The following FAT3 variants were observed in gnomAD, a reference collection of about 807,000 sequenced individuals.
The protein encoded by FAT3 is FAT atypical cadherin 3.
Under a neutral mutation model 310.2 loss-of-function variants are expected in FAT3, and 95 were observed. That is an observed-to-expected ratio of 0.31 (90% CI 0.26 to 0.36). The LOEUF is 0.36. FAT3 is among the 10% of genes least tolerant of loss of function. The pLI, the probability that FAT3 is intolerant of heterozygous loss-of-function variation, is 1.00. For synonymous variants in FAT3, 2,314 were observed against 2,192.9 expected, an observed-to-expected ratio of 1.06 and a Z score of -1.54; for missense variants, 5,408 against 5,715.6, an observed-to-expected ratio of 0.95 and a Z score of 1.74.
At chr11:92,695,134 A>G (rs1252219402) in intron 3 of FAT3, among the ~76,000 whole-genome samples, 1 of 152,114 alleles carries the variant, frequency 6.6e-6, no homozygotes, top group Non-Finnish European at 1.5e-5. Flanking sequence ...TCTAGATGCT[A>G]GAGCAGCTCA....
At chr11:92,851,160 A>C (rs1948820576) in intron 19 of FAT3, among the ~76,000 whole-genome samples, 1 of 152,190 alleles carries the variant, frequency 6.6e-6, no homozygotes, top group Non-Finnish European at 1.5e-5. Flanking sequence ...GTGCACACAG[A>C]ATTTCATATT....
intron 2 of FAT3, among the ~76,000 whole-genome samples, chr11:92,453,526 G>A (rs1951417691): frequency 1.3e-5 from 2 of 151,596 alleles, no homozygotes; most frequent in African/African-American, 2.4e-5. Context: ...AAAGTCACGT[G>A]GGATCAAATG....
rs1366817291 is a variant in FAT3 at position 92,837,684 on chromosome 11, G to A, written c.10246G>A (p.Val3416Ile). ...GCAGGTGTCTGGATACTCTCTGCTT[G>A]TCCAGGCCGTAGACAGTGGCATTCC... ...RERVSGYSLL[V>I]QAVDSGIPAM... Residue 3416 changes from valine to isoleucine, a missense_variant, in exon 17 of 28, where the codon GTC becomes ATC. By Grantham distance (29) the Val-to-Ile change is conservative (BLOSUM62 3). This residue lies in a region of FAT3 where 4,588 missense variants were observed against 4,809.8 expected (regional missense o/e 0.95). Transcript: ENST00000525166. 2.5e-6 allele frequency: 4 copies of A among 1,613,720 alleles called. No individual in the cohort carries two copies. The highest frequency in any genetic ancestry group is 1.1e-5 in the South Asian group (1 of 91,072).
At chr11:92,434,531 TAGGGG>T (rs775158297) in intron 2 of FAT3, among the ~76,000 whole-genome samples, 18 of 152,152 alleles carry the variant, frequency 1.2e-4, no homozygotes, top group Non-Finnish European at 2.1e-4. Flanking sequence ...AAGTGGGATT[TAGGGG>T]ACTGAAATAT....
intron 3 of FAT3, among the ~76,000 whole-genome samples, chr11:92,553,072 CA>C (rs1465668739): frequency 4.0e-5 from 6 of 151,682 alleles, no homozygotes; most frequent in Non-Finnish European, 8.8e-5. Context: ...GACAGAAAAA[CA>C]AGAGCACTTT....
chr11:92,339,962 A>T (rs903767663), intron 1 of FAT3, among the ~76,000 whole-genome samples: 22 of 151,964 alleles, frequency 1.4e-4, no homozygotes, highest in African/African-American at 5.1e-4. Flanking sequence ...AATACAAAAA[A>T]TTAGCCAGGC....
Position 92,837,773 on chromosome 11 carries a change from G to A in FAT3, c.10335G>A (p.Val3445=), listed in dbSNP as rs765165934. ...CTGATGTGAATGACAACAGCCCGGT[G>A]TTTACACCTGCCAACTATACTGCTG... The part of the protein sequence containing the change: ...DISDVNDNSP[V]FTPANYTAVI... The change falls in exon 17 of 28, where the codon GTG becomes GTA. Residue 3445 remains valine (V), a synonymous_variant. Transcript: ENST00000525166. 2 of 1,613,970 alleles carry A rather than the reference G, an allele frequency of 1.2e-6. No individual in the cohort carries two copies. The highest frequency in any genetic ancestry group is 1.7e-6 in the Non-Finnish European group (2 of 1,179,880).
intron 3 of FAT3, among the ~76,000 whole-genome samples, chr11:92,630,705 G>T (rs1025601412): frequency 1.3e-5 from 2 of 152,122 alleles, no homozygotes; most frequent in African/African-American, 4.8e-5. Flanking sequence ...TCTTGGATGT[G>T]TTTTCTCCTC....
chr11:92,688,479 C>T (rs1452883489), intron 3 of FAT3, among the ~76,000 whole-genome samples: 1 of 152,148 alleles, frequency 6.6e-6, no homozygotes, highest in Admixed American at 6.5e-5. Context: ...TACAGTCATT[C>T]TCACCCCTAG....
chr11:92,304,759 A>G (rs570861663), intron 1 of FAT3, among the ~76,000 whole-genome samples: 15 of 152,158 alleles, frequency 9.9e-5, no homozygotes, highest in Non-Finnish European at 4.4e-5. Flanking sequence ...ACAGGGCACA[A>G]ATGAAGCACA....
chr11:92,801,148 A>G lies in FAT3; in HGVS notation c.8135A>G (p.Gln2712Arg), dbSNP rs370776713. 2 of 1,613,952 alleles carry G rather than the reference A, an allele frequency of 1.2e-6. No individual in the cohort carries two copies. Among genetic ancestry groups the G allele is most frequent in the Non-Finnish European group, 8.5e-7 (1 of 1,179,872 alleles). The change falls in exon 10 of 28, where the codon CAG (glutamine) becomes CGG (arginine). Residue 2712 changes from glutamine (Q) to arginine (R), a missense_variant. Physicochemically the swap from Gln to Arg is conservative, Grantham distance 43. Transcript: ENST00000525166. ...TTCTTGCCATCATTCACCCAGTCTC[A>G]GTATTCCTTTACCATTGCAGAAGAT... is the stretch of plus-strand genomic sequence containing the variant. ...ETFLPSFTQS[Q>R]YSFTIAEDTA... is the part of the protein sequence containing the mutation.
At chr11:92,814,881 A>G (rs529946262) in intron 13 of FAT3, among the ~76,000 whole-genome samples, 1 of 152,252 alleles carries the variant, frequency 6.6e-6, no homozygotes, top group East Asian at 1.9e-4. Flanking sequence ...TAAAATTTTA[A>G]AAGAGCAAAT....
intron 4 of FAT3, among the ~76,000 whole-genome samples, chr11:92,759,450 C>T (rs543169562): frequency 6.6e-6 from 1 of 152,128 alleles, no homozygotes; most frequent in African/African-American, 2.4e-5. Flanking sequence ...AATGAGGGGG[C>T]GGGAAAGCTG....
At chr11:92,518,882 T>G (rs568216409) in intron 2 of FAT3, among the ~76,000 whole-genome samples, 10 of 152,158 alleles carry the variant, frequency 6.6e-5, no homozygotes, top group South Asian at 4.1e-4. Flanking sequence ...AAAGCATTCC[T>G]TAGAGAAATG....
At chr11:92,356,610 G>A (rs575180763) in intron 2 of FAT3, among the ~76,000 whole-genome samples, 29 of 152,180 alleles carry the variant, frequency 1.9e-4, no homozygotes, top group Admixed American at 5.9e-4. Flanking sequence ...TTTTCTTCCC[G>A]TAAGGGCACT....
chr11:92,383,631 C>G (rs1240467288), intron 2 of FAT3, among the ~76,000 whole-genome samples: 2 of 152,232 alleles, frequency 1.3e-5, no homozygotes, highest in Non-Finnish European at 2.9e-5. Context: ...CAAGTTGACA[C>G]TCTGCCTTAT....
chr11:92,645,477 A>G (rs978047047), intron 3 of FAT3, among the ~76,000 whole-genome samples: 1 of 142,962 alleles, frequency 7.0e-6, no homozygotes, highest in African/African-American at 2.7e-5. Flanking sequence ...GGCAAAGAAG[A>G]CACTGCTTTT....
chr11:92,233,276 C>T (rs1399342075), intron 1 of FAT3, among the ~76,000 whole-genome samples: 1 of 152,152 alleles, frequency 6.6e-6, no homozygotes, highest in African/African-American at 2.4e-5. Flanking sequence ...TTTAATTCCT[C>T]ATCTTCATAG....
chr11:92,821,373 A>G (rs1257514028), intron 13 of FAT3, among the ~76,000 whole-genome samples: 1 of 152,210 alleles, frequency 6.6e-6, no homozygotes, highest in Non-Finnish European at 1.5e-5. Flanking sequence ...TCTCTTAAGT[A>G]GCATCTATTC....
Sources: allele counts gnomAD v4.1 joint callset (sites outside exome capture counted in the v4.1 genomes callset), GRCh38; gene constraint gnomAD v4.1.1; regional missense constraint gnomAD v4.1.1; transcripts MANE v1.5; gene names NCBI Gene and HGNC (gene_info 2026-07-23, HGNC 2026-07-21).